Variants in DOCK5 observed in about 807,000 individuals in gnomAD.
DOCK5 encodes dedicator of cytokinesis 5.
In DOCK5, 142 loss-of-function variants were observed where a neutral mutation model predicts 251.8. The observed-to-expected ratio is 0.56, with a 90% CI of 0.49 to 0.65. DOCK5 has a LOEUF of 0.65. Ranked by LOEUF, DOCK5 falls within the 30% of genes least tolerant of loss-of-function variation. DOCK5 has a pLI of 0.00. For synonymous variants in DOCK5, 842 were observed against 835.5 expected (o/e 1.01, Z -0.13); for missense variants, 2,111 against 2,312.3 (o/e 0.91, Z 1.79).
intron 1 of DOCK5, among the ~76,000 whole-genome samples, chr8:25,210,036 ATG>A (rs780570238): frequency 0.4 from 12,538 of 31,536 alleles, 5,114 homozygotes; most frequent in South Asian, 0.76. Flanking sequence ...ATATATATAA[ATG>A]TGTGTGTGTG....
chr8:25,364,776 A>G, intron 30 of DOCK5, 72 bp downstream of exon 30: 1 of 1,121,158 alleles, frequency 8.9e-7, no homozygotes, highest in Non-Finnish European at 1.3e-6. Context: ...AATTTGGAAA[A>G]TGTCTCCTCA....
chr8:25,264,643 T>G (rs2117590479), intron 2 of DOCK5, among the ~76,000 whole-genome samples: 1 of 151,810 alleles, frequency 6.6e-6, no homozygotes, highest in Non-Finnish European at 1.5e-5. Flanking sequence ...CTGGCCAACG[T>G]GGTGAAACCC....
At chr8:25,278,759 C>A in intron 5 of DOCK5, 94 bp downstream of exon 5, 1 of 1,124,824 alleles carries the variant, frequency 8.9e-7, no homozygotes, top group Non-Finnish European at 1.3e-6. Context: ...TTGCTGACTT[C>A]ATGGAGTGGG....
chr8:25,254,557 C>T (rs560198116), intron 2 of DOCK5, among the ~76,000 whole-genome samples: 5 of 151,798 alleles, frequency 3.3e-5, no homozygotes, highest in South Asian at 2.1e-4. Flanking sequence ...GGGCAGATCA[C>T]GAGGTCAAGA....
At chr8:25,236,501 G>A (rs973373184) in intron 1 of DOCK5, among the ~76,000 whole-genome samples, 2 of 152,190 alleles carry the variant, frequency 1.3e-5, no homozygotes, top group African/African-American at 2.4e-5. Flanking sequence ...AAGATGAGTT[G>A]TGCCTCTTTA....
At chr8:25,274,465 A>G (rs1187745200) in intron 3 of DOCK5, among the ~76,000 whole-genome samples, 5 of 152,204 alleles carry the variant, frequency 3.3e-5, no homozygotes, top group African/African-American at 4.8e-5. Flanking sequence ...TGGTACACAT[A>G]ACACTCACAT....
At chr8:25,199,819 C>T (rs1000227651) in intron 1 of DOCK5, among the ~76,000 whole-genome samples, 2 of 149,782 alleles carry the variant, frequency 1.3e-5, no homozygotes, top group Admixed American at 6.6e-5. Context: ...TATCTACCCA[C>T]GTGGAACCAG....
chr8:25,245,182 A>T (rs3926622), intron 2 of DOCK5, among the ~76,000 whole-genome samples: 2 of 151,774 alleles, frequency 1.3e-5, no homozygotes, highest in Non-Finnish European at 2.9e-5. Flanking sequence ...TCAGCCTCCC[A>T]AGTAGCTGGG....
At chr8:25,238,586 A>G (rs971074058) in intron 1 of DOCK5, among the ~76,000 whole-genome samples, 5 of 152,196 alleles carry the variant, frequency 3.3e-5, no homozygotes, top group African/African-American at 1.2e-4. Flanking sequence ...ATGTGCTTCT[A>G]ACATGAATCT....
chr8:25,300,150 CCCG>C (rs1669781947), intron 8 of DOCK5, among the ~76,000 whole-genome samples: 1 of 152,218 alleles, frequency 6.6e-6, no homozygotes, highest in Non-Finnish European at 1.5e-5. Context: ...AGGCGATCCG[CCCG>C]CCTTGACCTC....
intron 34 of DOCK5, among the ~76,000 whole-genome samples, chr8:25,371,640 G>A (rs1264308717): frequency 6.6e-6 from 1 of 151,952 alleles, no homozygotes; most frequent in African/African-American, 2.4e-5. Flanking sequence ...TATATCTTTT[G>A]CAATTCTGAT....
Position 25,395,733 on chromosome 8 carries a change from C to T in DOCK5, c.4704+14C>T. On this transcript the variant is annotated intron_variant, in intron 45 of 51. Transcript: ENST00000276440. ...AACTATGAAAAGGTTCGCTTGGTCC[C>T]AGAATCCCCTAGGGATTCACAGACC... 6.2e-7 allele frequency: 1 copy of T among 1,608,886 alleles called. No homozygotes were observed. The highest frequency in any genetic ancestry group is 8.5e-7 in the Non-Finnish European group (1 of 1,178,472).
chr8:25,256,188 A>C (rs1803416510), intron 2 of DOCK5, among the ~76,000 whole-genome samples: 2 of 152,240 alleles, frequency 1.3e-5, no homozygotes, highest in South Asian at 4.1e-4. Context: ...AACCAAGAAT[A>C]TTAGATATGT....
At chr8:25,376,569 A>G (rs1347345963) in intron 37 of DOCK5, 1 of 183,918 alleles carries the variant, frequency 5.4e-6, no homozygotes, top group African/African-American at 2.4e-5. Context: ...CCTTTTTGTT[A>G]ATTTTTCCAT....
At chr8:25,356,598 A>T (rs544485013) in intron 27 of DOCK5, among the ~76,000 whole-genome samples, 2 of 152,084 alleles carry the variant, frequency 1.3e-5, no homozygotes, top group East Asian at 3.9e-4. Context: ...GCCCCAGGGA[A>T]GTCGAGGCTA....
At chr8:25,200,352 A>G (rs754888221) in intron 1 of DOCK5, among the ~76,000 whole-genome samples, 1 of 152,238 alleles carries the variant, frequency 6.6e-6, no homozygotes, top group Non-Finnish European at 1.5e-5. Flanking sequence ...AAAAACATGG[A>G]AACTCTCAAG....
Position 25,317,083 on chromosome 8 carries a change from T to C in DOCK5, c.1395T>C (p.Asn465=). 6.2e-7 allele frequency: 1 copy of C among 1,613,918 alleles called. No homozygotes were observed. The highest frequency in any genetic ancestry group is 8.5e-7 in the Non-Finnish European group (1 of 1,179,858). The part of the protein sequence containing the change: ...FDKGKKKTPK[N]VEVTMSVHDE... ...AAGGGAAGAAGAAGACGCCAAAGAATGTGGAGGTGACGATGTCTGTGCACG... is the reference window on the plus strand; with the variant it reads ...AAGGGAAGAAGAAGACGCCAAAGAACGTGGAGGTGACGATGTCTGTGCACG... Residue 465 remains asparagine (N), a synonymous_variant, in exon 14 of 52, where the codon AAT becomes AAC. Transcript: ENST00000276440.
chr8:25,346,618 G>T (rs757763072), intron 26 of DOCK5, among the ~76,000 whole-genome samples: 2 of 98,906 alleles, frequency 2.0e-5, no homozygotes. Context: ...GAGGTCAGGA[G>T]ATCGAGACCA....
chr8:25,330,202 T>TCAC (rs1805651608), intron 18 of DOCK5, among the ~76,000 whole-genome samples: 2 of 152,230 alleles, frequency 1.3e-5, no homozygotes, highest in South Asian at 2.1e-4. Flanking sequence ...AGATGGTGCC[T>TCAC]AGTGGATGAA....
Sources: allele counts gnomAD v4.1 joint callset (sites outside exome capture counted in the v4.1 genomes callset), GRCh38; gene constraint gnomAD v4.1.1; transcripts MANE v1.5; gene names NCBI Gene and HGNC (gene_info 2026-07-23, HGNC 2026-07-21).